Variants in WWOX observed in about 807,000 individuals in gnomAD.
WWOX encodes WW domain-containing oxidoreductase.
WWOX carries 69 observed loss-of-function variants against 46.2 expected under a neutral mutation model. That is an observed-to-expected ratio of 1.49 (90% CI 1.23 to 1.82). The LOEUF is 1.82. Among genes scored for constraint, WWOX ranks in the 40% most tolerant of loss-of-function variants. The probability of loss-of-function intolerance (pLI) is 0.00; values close to 1 mark genes in which losing one functional copy is unlikely to be tolerated. For missense variants in WWOX, 919 were observed against 542.6 expected (o/e 1.69, Z -6.89); for synonymous variants, 359 against 202.6 (o/e 1.77, Z -6.56).
At chr16:79,112,440 T>C (rs1295085454) in intron 8 of WWOX, among the ~76,000 whole-genome samples, 1 of 152,186 alleles carries the variant, frequency 6.6e-6, no homozygotes, top group African/African-American at 2.4e-5. Flanking sequence ...TATCCATCCA[T>C]CTGGGGGCTT....
At chr16:78,666,257 C>T (rs4887971) in intron 8 of WWOX, among the ~76,000 whole-genome samples, 1 of 151,834 alleles carries the variant, frequency 6.6e-6, no homozygotes, top group Non-Finnish European at 1.5e-5. Flanking sequence ...CCACTGCACT[C>T]TAGCCTGGGT....
At chr16:79,121,007 G>A (rs761066532) in intron 8 of WWOX, among the ~76,000 whole-genome samples, 1 of 152,126 alleles carries the variant, frequency 6.6e-6, no homozygotes, top group Non-Finnish European at 1.5e-5. Context: ...GACCTCAGGT[G>A]ATCCACCTGC....
At chr16:78,610,653 C>G (rs1012360066) in intron 8 of WWOX, among the ~76,000 whole-genome samples, 5 of 151,962 alleles carry the variant, frequency 3.3e-5, no homozygotes, top group Non-Finnish European at 7.4e-5. Flanking sequence ...TAAAGTGAAC[C>G]CAGATATGTG....
intron 8 of WWOX, among the ~76,000 whole-genome samples, chr16:79,115,200 G>C (rs2049491489): frequency 6.6e-6 from 1 of 152,208 alleles, no homozygotes; most frequent in Admixed American, 6.5e-5. Context: ...GGGGTTGCTT[G>C]ATTTGATTTG....
chr16:78,963,648 G>C (rs1303542367), intron 8 of WWOX, among the ~76,000 whole-genome samples: 1 of 152,174 alleles, frequency 6.6e-6, no homozygotes, highest in African/African-American at 2.4e-5. Context: ...GTCATGATAA[G>C]GCTATTAAGA....
intron 8 of WWOX, among the ~76,000 whole-genome samples, chr16:78,848,997 A>T (rs75244456): frequency 6.6e-6 from 1 of 152,198 alleles, no homozygotes; most frequent in African/African-American, 2.4e-5. Context: ...ACTCGCAAAG[A>T]CATAGTTACC....
At chr16:78,428,244 T>G (rs1382881274) in intron 7 of WWOX, among the ~76,000 whole-genome samples, 1 of 152,246 alleles carries the variant, frequency 6.6e-6, no homozygotes, top group Non-Finnish European at 1.5e-5. Flanking sequence ...TTTGTCAGTT[T>G]GTCAACTTGA....
chr16:78,441,878 AC>A (rs1282454295), intron 8 of WWOX, among the ~76,000 whole-genome samples: 11 of 151,798 alleles, frequency 7.2e-5, no homozygotes, highest in African/African-American at 2.2e-4. Context: ...ATACTCAATA[AC>A]CATTATTGCT....
At chr16:78,723,357 C>T (rs895571163) in intron 8 of WWOX, among the ~76,000 whole-genome samples, 2 of 152,078 alleles carry the variant, frequency 1.3e-5, no homozygotes, top group Admixed American at 1.3e-4. Context: ...GCTAAAGAGC[C>T]TTCCCCTATG....
chr16:78,993,704 C>G (rs989008367), intron 8 of WWOX, among the ~76,000 whole-genome samples: 1 of 152,210 alleles, frequency 6.6e-6, no homozygotes, highest in Non-Finnish European at 1.5e-5. Context: ...ACAGGAAACA[C>G]ACAGGGGCTC....
intron 8 of WWOX, among the ~76,000 whole-genome samples, chr16:78,455,807 G>C (rs1229677224): frequency 1.7e-4 from 25 of 149,502 alleles, no homozygotes; most frequent in African/African-American, 4.4e-4. Context: ...AAAAAAAAAA[G>C]GCCACCAAGG....
At chr16:78,580,111 T>C (rs2045012016) in intron 8 of WWOX, among the ~76,000 whole-genome samples, 1 of 151,624 alleles carries the variant, frequency 6.6e-6, no homozygotes, top group African/African-American at 2.4e-5. Context: ...TCTTGCTCTG[T>C]CACCCAGGCT....
intron 8 of WWOX, among the ~76,000 whole-genome samples, chr16:78,912,244 A>T (rs544282457): frequency 1.3e-5 from 2 of 152,154 alleles, no homozygotes; most frequent in African/African-American, 4.8e-5. Flanking sequence ...ATGTCCTATC[A>T]TTAACACAGG....
chr16:79,051,167 G>T (rs2048160519), intron 8 of WWOX, among the ~76,000 whole-genome samples: 2 of 152,322 alleles, frequency 1.3e-5, no homozygotes, highest in African/African-American at 4.8e-5. Flanking sequence ...TGTGTGACTT[G>T]AAGTTGGAGC....
chr16:79,119,657 G>C (rs1000911085), intron 8 of WWOX, among the ~76,000 whole-genome samples: 2 of 152,232 alleles, frequency 1.3e-5, no homozygotes, highest in African/African-American at 4.8e-5. Context: ...CAGCCACGAA[G>C]AGAACGGGAC....
intron 5 of WWOX, among the ~76,000 whole-genome samples, chr16:78,247,181 C>T (rs992915633): frequency 4.0e-5 from 6 of 151,858 alleles, no homozygotes; most frequent in Admixed American, 1.3e-4. Context: ...AAAATCATGG[C>T]GGTGCCAAGA....
chr16:78,422,710 T>TACACACACAC (rs1245741444), intron 6 of WWOX, among the ~76,000 whole-genome samples: 2 of 83,878 alleles, frequency 2.4e-5, no homozygotes, highest in East Asian at 3.1e-4. Context: ...CATATATATA[T>TACACACACAC]ACACACACAC....
At chr16:78,432,438 T>C (rs917276168) in intron 7 of WWOX, 50 bp from the exon 8 acceptor site, 12 of 1,605,850 alleles carry the variant, frequency 7.5e-6, no homozygotes, top group South Asian at 3.3e-5. Context: ...TAAAAAGCTG[T>C]GTGGGAAGTC....
At chr16:78,105,525 A>C (rs1428877045) in intron 1 of WWOX, among the ~76,000 whole-genome samples, 2 of 151,882 alleles carry the variant, frequency 1.3e-5, no homozygotes, top group East Asian at 3.9e-4. Context: ...ACCCTGATTC[A>C]GGCATGTTCT....
Sources: allele counts gnomAD v4.1 joint callset (sites outside exome capture counted in the v4.1 genomes callset), GRCh38; gene constraint gnomAD v4.1.1; transcripts MANE v1.5; gene names NCBI Gene and HGNC (gene_info 2026-07-23, HGNC 2026-07-21).